ASTN1: variants seen among roughly 807,000 people sequenced by gnomAD.
ASTN1 encodes the protein astrotactin-1.
In ASTN1, 41 loss-of-function variants were observed where a neutral mutation model predicts 140.7. The observed-to-expected ratio is 0.29, with a 90% confidence interval of 0.23 to 0.38. The LOEUF (loss-of-function observed/expected upper bound fraction) is 0.38. Ranked by LOEUF, ASTN1 falls within the 10% of genes least tolerant of loss-of-function variation. ASTN1 has a pLI of 1.00. For missense variants in ASTN1, 1,479 were observed against 1,678.8 expected (o/e 0.88, Z 2.08); for synonymous variants, 640 against 652.2 (o/e 0.98, Z 0.29).
At chr1:176,968,985 G>A (rs227987) in intron 8 of ASTN1, among the ~76,000 whole-genome samples, 78,487 of 151,944 alleles carry the variant, frequency 0.52, 20,792 homozygotes, top group Middle Eastern at 0.6. Context: ...GGTGCACACA[G>A]GTAGAAAGCC....
Position 177,052,515 on chromosome 1 carries a change from G to A in ASTN1, c.471+8563C>T, listed in dbSNP as rs941453507. ...CAACAAAAAGATCGAGTAAATGGCAGAACTAAGATTTAAATTGGTCTCTCT... is the reference window on the plus strand; with the variant it reads ...CAACAAAAAGATCGAGTAAATGGCAAAACTAAGATTTAAATTGGTCTCTCT... On this transcript the variant is annotated intron_variant, in intron 2 of 22. Transcript: ENST00000361833. 3.3e-5 allele frequency among the ~76,000 whole-genome samples: 5 copies of A among 152,304 alleles called. No homozygotes were observed. The Middle Eastern group carries it at 0.01, about 311-fold the overall frequency.
chr1:177,134,659 A>G (rs943953024), intron 1 of ASTN1, among the ~76,000 whole-genome samples: 1 of 152,218 alleles, frequency 6.6e-6, no homozygotes, highest in Non-Finnish European at 1.5e-5. Flanking sequence ...TGTGAAAAAC[A>G]ATGCATCTTT....
chr1:177,042,665 T>G (rs1677032018), intron 2 of ASTN1, among the ~76,000 whole-genome samples: 1 of 152,240 alleles, frequency 6.6e-6, no homozygotes, highest in African/African-American at 2.4e-5. Context: ...CCAATAAGTA[T>G]AAGTAGTAAA....
At chr1:177,124,114 T>C (rs759831738) in intron 1 of ASTN1, among the ~76,000 whole-genome samples, 5 of 152,120 alleles carry the variant, frequency 3.3e-5, no homozygotes, top group African/African-American at 7.2e-5. Context: ...TATACCACAT[T>C]TCTCTTTCTA....
intron 1 of ASTN1, among the ~76,000 whole-genome samples, chr1:177,146,260 C>G (rs545969465): frequency 6.6e-6 from 1 of 152,028 alleles, no homozygotes; most frequent in African/African-American, 2.4e-5. Context: ...TGGATGAAAT[C>G]GATGAAGAAA....
At chr1:177,038,804 T>C (rs1047406618) in intron 2 of ASTN1, among the ~76,000 whole-genome samples, 2 of 152,196 alleles carry the variant, frequency 1.3e-5, no homozygotes, top group African/African-American at 4.8e-5. Context: ...AAGAAATTAA[T>C]CTACATAATT....
At chr1:176,915,750 C>A (rs1670451897) in intron 16 of ASTN1, among the ~76,000 whole-genome samples, 2 of 152,020 alleles carry the variant, frequency 1.3e-5, no homozygotes, top group Non-Finnish European at 2.9e-5. Flanking sequence ...CGGTGTGATG[C>A]GGGGAGGAGA....
intron 2 of ASTN1, among the ~76,000 whole-genome samples, chr1:177,034,966 C>T (rs896265903): frequency 2.0e-5 from 3 of 152,104 alleles, no homozygotes; most frequent in African/African-American, 7.2e-5. Flanking sequence ...TCCACTGTTC[C>T]TCTCTAATTC....
At chr1:176,921,441 G>C (rs1337049036) in intron 16 of ASTN1, among the ~76,000 whole-genome samples, 2 of 152,144 alleles carry the variant, frequency 1.3e-5, no homozygotes, top group African/African-American at 4.8e-5. Flanking sequence ...TTAAACACAG[G>C]TTGCATGTTA....
At chr1:176,936,072 T>A (rs185475104) in intron 15 of ASTN1, 194 bp downstream of exon 15, 2 of 663,636 alleles carry the variant, frequency 3.0e-6, no homozygotes. Flanking sequence ...ACATGCAATG[T>A]AATCTCTACT....
At chr1:177,163,767 G>A (rs1366816088) in intron 1 of ASTN1, among the ~76,000 whole-genome samples, 1 of 152,102 alleles carries the variant, frequency 6.6e-6, no homozygotes, top group African/African-American at 2.4e-5. Context: ...TTGAATTAGG[G>A]GGTTGTGACA....
chr1:177,094,002 T>C (rs1449817526), intron 1 of ASTN1, among the ~76,000 whole-genome samples: 1 of 152,162 alleles, frequency 6.6e-6, no homozygotes, highest in Non-Finnish European at 1.5e-5. Context: ...CTTATAGAAA[T>C]GCCCTGCCAA....
rs985660404 is a variant in ASTN1, at chr1:176,862,334, G to A, written c.*1950C>T. ...GTGCTTTATCTCAGCCTCATCACAG[G>A]CTTCCTTCCCAGTCATGAGGGTGGG... is the stretch of plus-strand genomic sequence containing the variant. On this transcript the variant is annotated 3_prime_UTR_variant, in exon 23 of 23. Transcript: ENST00000361833. 5.1e-6 allele frequency: 5 copies of A among 985,460 alleles called. No homozygotes were observed. Among genetic ancestry groups the A allele is most frequent in the Non-Finnish European group, 4.8e-6 (4 of 829,982 alleles). 61.0% of individuals were successfully genotyped at this position (985,460 alleles called of 1,614,324 possible).
At chr1:177,130,048 G>T (rs1313294525) in intron 1 of ASTN1, among the ~76,000 whole-genome samples, 1 of 152,216 alleles carries the variant, frequency 6.6e-6, no homozygotes, top group East Asian at 1.9e-4. Flanking sequence ...TTAGAAAGCT[G>T]AGGCTCAGAA....
intron 16 of ASTN1, among the ~76,000 whole-genome samples, chr1:176,932,125 C>G (rs61813273): frequency 6.7e-6 from 1 of 149,964 alleles, no homozygotes; most frequent in African/African-American, 2.5e-5. Flanking sequence ...TCAATCCATA[C>G]GTAATTTTAG....
chr1:176,909,067 C>T (rs1670116380), intron 16 of ASTN1, among the ~76,000 whole-genome samples: 1 of 152,176 alleles, frequency 6.6e-6, no homozygotes, highest in Non-Finnish European at 1.5e-5. Context: ...AAAGTCTCCA[C>T]CACTTGCCCC....
At chr1:177,001,781 A>G (rs967898227) in intron 8 of ASTN1, among the ~76,000 whole-genome samples, 2 of 152,214 alleles carry the variant, frequency 1.3e-5, no homozygotes, top group African/African-American at 2.4e-5. Flanking sequence ...TAATAATACC[A>G]GGCATGCAAA....
At chr1:176,989,278 T>C (rs1444156698) in intron 8 of ASTN1, among the ~76,000 whole-genome samples, 1 of 152,186 alleles carries the variant, frequency 6.6e-6, no homozygotes, top group Non-Finnish European at 1.5e-5. Flanking sequence ...GTTTAGGCAT[T>C]CAATTTATTC....
At chr1:176,941,742 T>C (rs920110638) in intron 14 of ASTN1, among the ~76,000 whole-genome samples, 4 of 152,246 alleles carry the variant, frequency 2.6e-5, no homozygotes, top group African/African-American at 9.6e-5. Flanking sequence ...CCATAAGTTA[T>C]ATTGTGAGAG....
Sources: gnomAD v4.1 joint callset for allele counts (sites outside exome capture counted in the v4.1 genomes callset) on GRCh38, gnomAD v4.1.1 for gene constraint, MANE v1.5 for transcripts, NCBI Gene and HGNC (gene_info 2026-07-23, HGNC 2026-07-21) for gene names.